The following LRP1B variants were observed in gnomAD, a reference collection of about 807,000 sequenced individuals.
LRP1B encodes low-density lipoprotein receptor-related protein 1B.
LRP1B carries 217 observed loss-of-function variants against 556.6 expected under a neutral mutation model. That is an observed-to-expected ratio of 0.39 (90% CI 0.35 to 0.44). The LOEUF (loss-of-function observed/expected upper bound fraction) is 0.44, where lower values mean the gene tolerates loss of function less well. Among genes scored for constraint, LRP1B ranks in the 20% least tolerant of loss-of-function variants. The pLI is 1.00. For synonymous variants in LRP1B, 2,047 were observed against 1,865.8 expected, an observed-to-expected ratio of 1.10 and a Z score of -2.50; for missense variants, 5,053 against 5,620.8, an observed-to-expected ratio of 0.90 and a Z score of 3.23.
At chr2:141,735,418 T>G (rs1443263092) in intron 2 of LRP1B, among the ~76,000 whole-genome samples, 1 of 144,846 alleles carries the variant, frequency 6.9e-6, no homozygotes, top group Non-Finnish European at 1.5e-5. Flanking sequence ...AAGAGTTTTG[T>G]CAACAGGATT....
chr2:141,349,295 C>A (rs1447021281), intron 3 of LRP1B, among the ~76,000 whole-genome samples: 1 of 152,016 alleles, frequency 6.6e-6, no homozygotes, highest in Non-Finnish European at 1.5e-5. Flanking sequence ...CATGAACACA[C>A]ACACACCCTA....
intron 77 of LRP1B, among the ~76,000 whole-genome samples, chr2:140,337,506 TGTC>T (rs1279201170): frequency 6.6e-6 from 1 of 151,882 alleles, no homozygotes; most frequent in Non-Finnish European, 1.5e-5. Context: ...ATTTTCAACT[TGTC>T]ATCATTTAAA....
chr2:141,925,857 C>T (rs775947061), intron 1 of LRP1B, among the ~76,000 whole-genome samples: 2 of 152,140 alleles, frequency 1.3e-5, no homozygotes, highest in Non-Finnish European at 2.9e-5. Context: ...AATTCCAGCC[C>T]TGTATTTCTT....
chr2:140,912,516 C>CA (rs1051378889), intron 21 of LRP1B, among the ~76,000 whole-genome samples: 8 of 151,346 alleles, frequency 5.3e-5, no homozygotes, highest in Non-Finnish European at 7.4e-5. Context: ...TTCAAGTAAC[C>CA]AAGTAAATCA....
intron 2 of LRP1B, among the ~76,000 whole-genome samples, chr2:141,555,646 G>C (rs187644227): frequency 6.6e-6 from 1 of 151,876 alleles, no homozygotes; most frequent in Admixed American, 6.6e-5. Context: ...TGAATTATTT[G>C]TGTTTTTTGA....
intron 2 of LRP1B, among the ~76,000 whole-genome samples, chr2:141,723,070 G>A (rs1013767869): frequency 8.0e-5 from 12 of 150,704 alleles, no homozygotes; most frequent in Non-Finnish European, 1.5e-4. Context: ...TCACAGTATT[G>A]GTCAGAGATT....
At chr2:141,180,704 A>T (rs941946113) in intron 7 of LRP1B, among the ~76,000 whole-genome samples, 2 of 151,988 alleles carry the variant, frequency 1.3e-5, no homozygotes, top group African/African-American at 4.8e-5. Context: ...GCCAAAAATT[A>T]AAAAACCCAA....
chr2:141,191,131 T>G (rs1034889053), intron 6 of LRP1B, among the ~76,000 whole-genome samples: 1 of 151,986 alleles, frequency 6.6e-6, no homozygotes, highest in African/African-American at 2.4e-5. Flanking sequence ...TCTCCATAAC[T>G]TTCTACTCTT....
intron 29 of LRP1B, among the ~76,000 whole-genome samples, chr2:140,848,283 T>G (rs184657947): frequency 1.3e-5 from 2 of 152,312 alleles, no homozygotes; most frequent in East Asian, 3.9e-4. Flanking sequence ...CCCCTGCCCT[T>G]GTAAAAAAAT....
In LRP1B at chr2:141,552,356, T is replaced by C. The variant is rs115989124; in HGVS notation, c.206-71823A>G. ...CCAGCACCACTGAGTGACACAATAA[T>C]GAACTCTCATTGTGAGTATTAAAAC... On this transcript the variant is annotated intron_variant, in intron 2 of 90. Transcript: ENST00000389484. Among the ~76,000 whole-genome samples, 291 of 152,202 alleles carry C rather than the reference T, an allele frequency of 1.9e-3. 3 individuals are homozygous for C. The highest frequency in any genetic ancestry group is 6.8e-3 in the African/African-American group (283 of 41,582).
chr2:141,207,424 T>C (rs1008846155), intron 6 of LRP1B, among the ~76,000 whole-genome samples: 1 of 152,226 alleles, frequency 6.6e-6, no homozygotes, highest in African/African-American at 2.4e-5. Flanking sequence ...AGGTATTTCA[T>C]ATGGTAATGA....
At chr2:140,264,274 G>C (rs1682085543) in intron 86 of LRP1B, among the ~76,000 whole-genome samples, 1 of 151,958 alleles carries the variant, frequency 6.6e-6, no homozygotes, top group Non-Finnish European at 1.5e-5. Flanking sequence ...TGTCACTCAG[G>C]CTGGAGTGCA....
At chr2:141,501,846 C>T (rs1419907197) in intron 2 of LRP1B, among the ~76,000 whole-genome samples, 2 of 152,102 alleles carry the variant, frequency 1.3e-5, no homozygotes, top group East Asian at 3.9e-4. Context: ...GAACTGATGT[C>T]AGATGCTCAG....
In LRP1B at chr2:140,501,730, C is replaced by T. The variant is rs1219898741; in HGVS notation, c.8807G>A (p.Ser2936Asn). The change falls in exon 55 of 91, where the codon AGT becomes AAT. Residue 2936 changes from serine (S) to asparagine (N), a missense_variant. Transcript: ENST00000389484. ...GTCTTGACAGTCTTGAGAACATCCACTGACTTTCTTACTCAAACATTCATT... is the reference window on the plus strand; with the variant it reads ...GTCTTGACAGTCTTGAGAACATCCATTGACTTTCTTACTCAAACATTCATT... ...HINECLSKKV[S>N]GCSQDCQDLP... The T allele has an allele frequency of 2.5e-6, 4 of 1,612,622 alleles. No homozygotes were observed. Among genetic ancestry groups the T allele is most frequent in the Admixed American group, 1.7e-5 (1 of 59,922 alleles).
rs553485843 is a variant in LRP1B, at chr2:140,825,769, G to T, written c.5210-11963C>A. ...TAAACAATTATGGAAATCAACATTTGAACCAACATAAACACAACTACTACA... is the reference window on the plus strand; with the variant it reads ...TAAACAATTATGGAAATCAACATTTTAACCAACATAAACACAACTACTACA... On this transcript the variant is annotated intron_variant, in intron 31 of 90. Transcript: ENST00000389484. Among the ~76,000 whole-genome samples, 5 of 152,056 alleles carry T rather than the reference G, an allele frequency of 3.3e-5. No individual in the cohort carries two copies. The East Asian group carries it at 9.7e-4, about 29-fold the overall frequency.
At chr2:140,840,278 T>C (rs1161995098) in intron 30 of LRP1B, among the ~76,000 whole-genome samples, 193 bp from the exon 31 acceptor site, 2 of 152,202 alleles carry the variant, frequency 1.3e-5, no homozygotes, top group South Asian at 2.1e-4. Context: ...AAAGCACCAC[T>C]CTTGCTTTTT....
intron 2 of LRP1B, among the ~76,000 whole-genome samples, chr2:141,690,012 C>A (rs1691457861): frequency 6.6e-6 from 1 of 151,690 alleles, no homozygotes; most frequent in South Asian, 2.1e-4. Flanking sequence ...GGTTACAAGT[C>A]TTTCACAAGG....
chr2:141,639,434 G>A (rs1319500005), intron 2 of LRP1B, among the ~76,000 whole-genome samples: 1 of 136,940 alleles, frequency 7.3e-6, no homozygotes, highest in Non-Finnish European at 1.5e-5. Flanking sequence ...TTTTTTTTGA[G>A]ACAGAGTCTC....
intron 43 of LRP1B, among the ~76,000 whole-genome samples, chr2:140,567,992 C>A (rs979468561): frequency 1.3e-5 from 2 of 151,970 alleles, no homozygotes; most frequent in East Asian, 3.9e-4. Flanking sequence ...TTCTCTGTAA[C>A]GCCCACACCA....
Sources: allele counts gnomAD v4.1 joint callset (sites outside exome capture counted in the v4.1 genomes callset), GRCh38; gene constraint gnomAD v4.1.1; transcripts MANE v1.5; gene names NCBI Gene and HGNC (gene_info 2026-07-23, HGNC 2026-07-21).